ZNF548: variants seen among roughly 807,000 people sequenced by gnomAD.
The protein encoded by ZNF548 is zinc finger protein 548.
In ZNF548, 10 loss-of-function variants were observed where a neutral mutation model predicts 10.2. That is an observed-to-expected ratio of 0.98 (90% CI 0.60 to 1.66). ZNF548 has a LOEUF of 1.66. Ranked by LOEUF, ZNF548 falls within the 40% of genes most tolerant of loss-of-function variation. ZNF548 has a pLI of 0.00. For missense variants in ZNF548, 599 were observed against 657.0 expected (o/e 0.91, Z 0.97); for synonymous variants, 217 against 223.5 (o/e 0.97, Z 0.26).
chr19:57,394,360 A>G (rs867990786), intron 2 of ZNF548, 137 bp downstream of exon 2: 42 of 901,602 alleles, frequency 4.7e-5, no homozygotes, highest in Non-Finnish European at 6.3e-5. Flanking sequence ...CAGTATTACA[A>G]GTTGGCTGCT....
At chr19:57,392,917 A>G in intron 1 of ZNF548, 2 of 985,534 alleles carry the variant, frequency 2.0e-6, no homozygotes, top group African/African-American at 1.7e-5. Context: ...GGGATTCTGG[A>G]TTGCATCTGT....
rs1467465137 is a variant in ZNF548, at chr19:57,399,198, C to A, written c.947C>A (p.Thr316Asn). 3 of 1,614,000 alleles carry A rather than the reference C, an allele frequency of 1.9e-6. No homozygotes were observed. The South Asian group carries it at 3.3e-5, about 18-fold the overall frequency. The change falls in exon 4 of 4, where the codon ACC (threonine) becomes AAC (asparagine). Residue 316 changes from threonine (T) to asparagine (N), a missense_variant. By Grantham distance (65) the Thr-to-Asn change is moderately conservative. Coordinates refer to ENST00000336128, the MANE Select transcript of ZNF548 (RefSeq NM_001172773.2). The surrounding 1 kb of genome is among the most constrained non-coding windows in gnomAD (Gnocchi z 4.0). ...TTTGTTAGACATCAGAGAGTTCACA[C>A]CGGAGAAAGGCCGTATGAGTGCAGG... The part of the protein sequence containing the change: ...STFVRHQRVH[T>N]GERPYECREC...
intron 2 of ZNF548, 109 bp downstream of exon 2, chr19:57,394,332 G>A: frequency 8.7e-7 from 1 of 1,148,226 alleles, no homozygotes; most frequent in Non-Finnish European, 1.2e-6. Context: ...AAGGGTGAGT[G>A]GTTTCACCAG....
At chr19:57,391,681 G>A (rs2088626067) in intron 1 of ZNF548, among the ~76,000 whole-genome samples, 1 of 150,834 alleles carries the variant, frequency 6.6e-6, no homozygotes, top group Non-Finnish European at 1.5e-5. Flanking sequence ...GAGATACTGT[G>A]GTTTTAATTT....
In ZNF548 at chr19:57,397,131, C is replaced by T. The variant is rs1306872956; in HGVS notation, c.135C>T (p.Tyr45=). Residue 45 remains tyrosine, a synonymous_variant, in exon 3 of 4, where the codon TAC becomes TAT. Transcript: ENST00000336128. ...TTGATGAGGCTCAGAGATTGCTGTA[C>T]CGTGATGTGATGCTGGAGAATTTGG... is the stretch of plus-strand genomic sequence containing the variant. The part of the protein sequence containing the change: ...GHLDEAQRLL[Y]RDVMLENLAL... 6.2e-7 allele frequency: 1 copy of T among 1,612,890 alleles called. No homozygotes were observed. The highest frequency in any genetic ancestry group is 1.3e-5 in the African/African-American group (1 of 74,804).
chr19:57,389,854 G>A lies in ZNF548; in HGVS notation c.-246G>A. The A allele has an allele frequency of 4.0e-6, 2 of 493,852 alleles. No individual in the cohort carries two copies. The highest frequency in any genetic ancestry group is 7.4e-5 in the South Asian group (2 of 27,158). 30.6% of individuals were successfully genotyped at this position (493,852 alleles called of 1,614,324 possible). A position where few individuals can be genotyped will look rare whatever the true frequency, so the allele number is the denominator to read the frequency against. On this transcript the variant is annotated 5_prime_UTR_variant, in exon 1 of 4. Transcript: ENST00000336128. ...GCGTGCGTGCGCACCGTCGGAGGGC[G>A]GGACTTCCGCCGTCCTCCTGGTGGT...
chr19:57,397,097 G>A lies in ZNF548; in HGVS notation c.101G>A (p.Trp34Ter), dbSNP rs1270678844. ...DVAIYFSQEE[W>*]GHLDEAQRLL... ...GCCATATATTTCTCCCAGGAGGAGT[G>A]GGGGCACCTTGATGAGGCTCAGAGA... The change falls in exon 3 of 4, where the codon TGG (tryptophan) becomes TAG (stop). Residue 34 changes from tryptophan (W) to a stop codon, truncating the protein, a stop_gained. Transcript: ENST00000336128. LOFTEE classifies it high-confidence loss of function. 3 of 1,613,486 alleles carry A rather than the reference G, an allele frequency of 1.9e-6. No individual in the cohort carries two copies. In the East Asian group the frequency reaches 6.7e-5, roughly 36 times the overall value.
rs1172462108 is a variant in ZNF548 at position 57,398,684 on chromosome 19, G to A, written c.433G>A (p.Gly145Arg). ...GCAAATTGGAGAAAATCTTTCCAGA[G>A]GGGATGATTGGATACCTTCATTTGG... ...KQQIGENLSRGDDWIPSFGKN... is the reference protein window; with the variant it reads ...KQQIGENLSRRDDWIPSFGKN... The change falls in exon 4 of 4, where the codon GGG becomes AGG. Residue 145 changes from glycine to arginine, a missense_variant. Coordinates refer to ENST00000336128, the MANE Select transcript of ZNF548 (RefSeq NM_001172773.2). 4 of 1,613,948 alleles carry A rather than the reference G, an allele frequency of 2.5e-6. No homozygotes were observed. Among genetic ancestry groups the A allele is most frequent in the Non-Finnish European group, 3.4e-6 (4 of 1,179,916 alleles).
In ZNF548 at chr19:57,399,004, T is replaced by C. The variant is rs1241900626; in HGVS notation, c.753T>C (p.Asn251=). ...GGAAATTCTTTAAGTACAGTGCCAA[T>C]TTCATGAAACATCAGACAGTTCACA... is the stretch of plus-strand genomic sequence containing the variant. ...KCGKFFKYSA[N]FMKHQTVHTS... Residue 251 remains asparagine, a synonymous_variant, in exon 4 of 4, where the codon AAT becomes AAC. Transcript: ENST00000336128. The surrounding 1 kb of genome is among the most constrained non-coding windows in gnomAD (Gnocchi z 4.0). 6.2e-7 allele frequency: 1 copy of C among 1,613,988 alleles called. No homozygotes were observed. Among genetic ancestry groups the C allele is most frequent in the East Asian group, 2.2e-5 (1 of 44,898 alleles).
At position 57,389,920 on chromosome 19, in the gene ZNF548, T is replaced by G; in HGVS notation, c.-180T>G. The stretch of plus-strand genomic sequence containing the variant: ...GTGTGGTGTTTCACCAACTTCGGCC[T>G]ATGGCTCTGTCTGACGTCACCGAAG... On this transcript the variant is annotated 5_prime_UTR_variant, in exon 1 of 4. Coordinates refer to ENST00000336128, the MANE Select transcript of ZNF548 (RefSeq NM_001172773.2). 1 of 684,868 alleles carries G rather than the reference T, an allele frequency of 1.5e-6. No homozygotes were observed. The highest frequency in any genetic ancestry group is 2.3e-6 in the Non-Finnish European group (1 of 429,470). The allele number at this position is 684,868 out of a possible 1,614,324, so 42.4% of individuals were successfully genotyped here.
Position 57,399,081 on chromosome 19 carries a change from A to G in ZNF548, c.830A>G (p.Asn277Ser), listed in dbSNP as rs757789056. 6.2e-7 allele frequency: 1 copy of G among 1,614,246 alleles called. No homozygotes were observed. The highest frequency in any genetic ancestry group is 1.1e-5 in the South Asian group (1 of 91,090). ...CRECGKSFMYNYRLMRHKRVH... is the reference protein window; with the variant it reads ...CRECGKSFMYSYRLMRHKRVH... ...GAATGTGGAAAATCCTTTATGTACA[A>G]CTACCGACTCATGAGACATAAGCGA... The change falls in exon 4 of 4, where the codon AAC (asparagine) becomes AGC (serine). Residue 277 changes from asparagine to serine, a missense_variant. Coordinates refer to ENST00000336128, the MANE Select transcript of ZNF548 (RefSeq NM_001172773.2). This position sits in a 1 kb window ranked among gnomAD's most constrained non-coding sequence, Gnocchi z 4.0.
At position 57,400,145 on chromosome 19, in the gene ZNF548, G is replaced by C. The variant is rs2088703633; in HGVS notation, c.*256G>C. 2.6e-6 allele frequency: 1 copy of C among 386,632 alleles called. No individual in the cohort carries two copies. 24.0% of individuals were successfully genotyped at this position (386,632 alleles called of 1,614,324 possible). A position where few individuals can be genotyped will look rare whatever the true frequency, so the allele number is the denominator to read the frequency against. On this transcript the variant is annotated 3_prime_UTR_variant, in exon 4 of 4. Transcript: ENST00000336128. ...GGATTCTACAGTATTTATCTTTTGA[G>C]ACTGGCTTATTTCACTTAGGATAAG... is the stretch of plus-strand genomic sequence containing the variant.
At chr19:57,396,867 C>A (rs116802011) in intron 2 of ZNF548, 181 bp from the exon 3 acceptor site, 3 of 846,122 alleles carry the variant, frequency 3.5e-6, no homozygotes, top group African/African-American at 1.7e-5. Context: ...ATTTAGAGTA[C>A]GGGAAATATT....
rs906672396 is a variant in ZNF548, at chr19:57,396,859, T to G, written c.52-189T>G. 12 of 792,032 alleles carry G rather than the reference T, an allele frequency of 1.5e-5. No individual in the cohort carries two copies. The African/African-American group carries it at 1.9e-4, about 13-fold the overall frequency. 49.1% of individuals were successfully genotyped at this position (792,032 alleles called of 1,614,324 possible). On this transcript the variant is annotated intron_variant, in intron 2 of 3. Coordinates refer to ENST00000336128, the MANE Select transcript of ZNF548 (RefSeq NM_001172773.2). ...TTGCAGTACCTGGCCCTGGGTTGAT[T>G]TAGAGTACGGGAAATATTGGCTTGG...
In ZNF548 at chr19:57,395,229, TG is replaced by T. The variant is rs1288684774; in HGVS notation, c.51+1010del. ...GACAAATGAGGGAATGGAGTGTTTGTGGGGATGAGTGTATGTGAGATGGTGG... is the reference window on the plus strand; with the variant it reads ...GACAAATGAGGGAATGGAGTGTTTGTGGGATGAGTGTATGTGAGATGGTGG... On this transcript the variant is annotated intron_variant, in intron 2 of 3. Transcript: ENST00000336128. This position sits in a 1 kb window ranked among gnomAD's most constrained non-coding sequence, Gnocchi z 4.8. Among the ~76,000 whole-genome samples, 1 of 151,616 alleles carries T rather than the reference TG, an allele frequency of 6.6e-6. No individual in the cohort carries two copies. The highest frequency in any genetic ancestry group is 1.5e-5 in the Non-Finnish European group (1 of 67,914).
chr19:57,396,691 A>G (rs2088667875), intron 2 of ZNF548, among the ~76,000 whole-genome samples: 1 of 152,194 alleles, frequency 6.6e-6, no homozygotes, highest in African/African-American at 2.4e-5. Context: ...TCAGGAGGAA[A>G]ATTGGAGTGA....
At chr19:57,393,516 C>T (rs1314984376) in intron 1 of ZNF548, among the ~76,000 whole-genome samples, 2 of 151,376 alleles carry the variant, frequency 1.3e-5, no homozygotes, top group Non-Finnish European at 2.9e-5. Context: ...CAAAATTAGC[C>T]GGGTGTGGTG....
intron 3 of ZNF548, 88 bp downstream of exon 3, chr19:57,397,262 A>G: frequency 6.9e-7 from 1 of 1,453,890 alleles, no homozygotes; most frequent in Non-Finnish European, 9.1e-7. Flanking sequence ...CCACAGTGAG[A>G]CCGTGGGTGC....
intron 3 of ZNF548, among the ~76,000 whole-genome samples, chr19:57,398,180 T>C (rs537421027): frequency 6.6e-6 from 1 of 152,148 alleles, no homozygotes. Flanking sequence ...GAGGAGTGAG[T>C]TGGAGACCCT....
Sources: allele counts gnomAD v4.1 joint callset (sites outside exome capture counted in the v4.1 genomes callset), GRCh38; gene constraint gnomAD v4.1.1; non-coding constraint Gnocchi (gnomAD v3.1); transcripts MANE v1.5; gene names NCBI Gene and HGNC (gene_info 2026-07-23, HGNC 2026-07-21).